TMEM255B: variants seen among roughly 807,000 people sequenced by gnomAD.
TMEM255B encodes transmembrane protein 255B.
Under a neutral mutation model 34.5 loss-of-function variants are expected in TMEM255B, and 35 were observed. The ratio of observed to expected loss-of-function variants is 1.01; its 90% CI spans 0.77 to 1.34. The LOEUF (loss-of-function observed/expected upper bound fraction) is 1.34. TMEM255B is among the 40% of genes most tolerant of loss of function. The probability of loss-of-function intolerance (pLI) is 0.00; values close to 1 mark genes in which losing one functional copy is unlikely to be tolerated. For synonymous variants in TMEM255B, 206 were observed against 201.2 expected (o/e 1.02, Z -0.20); for missense variants, 432 against 433.2 (o/e 1.00, Z 0.02).
intron 3 of TMEM255B, among the ~76,000 whole-genome samples, chr13:113,791,743 C>T (rs9550255): frequency 6.6e-6 from 1 of 152,046 alleles, no homozygotes; most frequent in African/African-American, 2.4e-5. Flanking sequence ...AAGTGATTTT[C>T]TTCATCTTTA....
chr13:113,798,746 CAGAT>C (rs1420919659), intron 4 of TMEM255B, among the ~76,000 whole-genome samples: 1 of 143,794 alleles, frequency 7.0e-6, no homozygotes, highest in African/African-American at 2.6e-5. Context: ...GTATGGATGA[CAGAT>C]GGGTGGATGG....
At chr13:113,808,430 C>T (rs1396926362) in intron 8 of TMEM255B, among the ~76,000 whole-genome samples, 4 of 152,178 alleles carry the variant, frequency 2.6e-5, no homozygotes, top group Non-Finnish European at 5.9e-5. Flanking sequence ...TAGGGGGGCC[C>T]TGTCATTCAG....
chr13:113,774,123 C>G (rs780783469), intron 3 of TMEM255B, among the ~76,000 whole-genome samples: 2 of 151,846 alleles, frequency 1.3e-5, no homozygotes, highest in South Asian at 2.1e-4. Context: ...GTTCACCCCC[C>G]GCCTGCTTCT....
chr13:113,782,702 C>G (rs900113230), intron 3 of TMEM255B, among the ~76,000 whole-genome samples: 1 of 151,978 alleles, frequency 6.6e-6, no homozygotes, highest in Non-Finnish European at 1.5e-5. Context: ...TGAGCCCCAC[C>G]TGAACGGGGA....
intron 7 of TMEM255B, among the ~76,000 whole-genome samples, chr13:113,803,620 C>T (rs2051106030): frequency 8.4e-6 from 1 of 118,580 alleles, no homozygotes; most frequent in African/African-American, 2.9e-5. Context: ...CACCCCTCTA[C>T]CTGTCAGAAC....
At chr13:113,793,533 C>T (rs72672408) in intron 3 of TMEM255B, among the ~76,000 whole-genome samples, 1 of 152,316 alleles carries the variant, frequency 6.6e-6, no homozygotes, top group Non-Finnish European at 1.5e-5. Flanking sequence ...AGGGACCGTG[C>T]CGGTCTGGGA....
chr13:113,763,944 G>A (rs1026171482), intron 1 of TMEM255B, among the ~76,000 whole-genome samples: 4 of 152,256 alleles, frequency 2.6e-5, no homozygotes, highest in African/African-American at 7.2e-5. Context: ...ACTGAGAGGC[G>A]GAGCTGGAGG....
At chr13:113,807,426 G>T (rs1444054023) in intron 8 of TMEM255B, among the ~76,000 whole-genome samples, 1 of 136,184 alleles carries the variant, frequency 7.3e-6, no homozygotes, top group African/African-American at 2.8e-5. Context: ...TGTGGGGGGT[G>T]GTCCTCCCCG....
intron 8 of TMEM255B, among the ~76,000 whole-genome samples, chr13:113,805,809 G>A (rs972260775): frequency 6.6e-6 from 1 of 152,202 alleles, no homozygotes; most frequent in African/African-American, 2.4e-5. Context: ...CGGGGACACA[G>A]TTGAGAACCC....
intron 3 of TMEM255B, among the ~76,000 whole-genome samples, chr13:113,781,702 T>C (rs902362857): frequency 5.9e-5 from 9 of 152,116 alleles, no homozygotes; most frequent in Non-Finnish European, 1.2e-4. Context: ...CAGCTAAGAG[T>C]CATAGTGGCA....
chr13:113,794,297 G>T (rs1034164933), intron 3 of TMEM255B, among the ~76,000 whole-genome samples: 1 of 152,112 alleles, frequency 6.6e-6, no homozygotes, highest in Non-Finnish European at 1.5e-5. Context: ...TGCCTGGTGC[G>T]CAGGACAGGT....
chr13:113,787,413 G>A (rs2050762635), intron 3 of TMEM255B, among the ~76,000 whole-genome samples: 2 of 152,226 alleles, frequency 1.3e-5, no homozygotes, highest in Non-Finnish European at 2.9e-5. Context: ...GAGGCTGCCT[G>A]TTGCTGACCT....
At chr13:113,778,232 G>A (rs2050611008) in intron 3 of TMEM255B, among the ~76,000 whole-genome samples, 1 of 152,228 alleles carries the variant, frequency 6.6e-6, no homozygotes, top group African/African-American at 2.4e-5. Flanking sequence ...GGGTGGAGAT[G>A]TGAGGGAGGG....
At chr13:113,797,387 G>A (rs910942747) in intron 4 of TMEM255B, among the ~76,000 whole-genome samples, 4 of 152,214 alleles carry the variant, frequency 2.6e-5, no homozygotes, top group East Asian at 1.9e-4. Flanking sequence ...GGGGAGATGC[G>A]TGCCTTCCAA....
intron 3 of TMEM255B, among the ~76,000 whole-genome samples, chr13:113,780,303 C>A (rs1189898863): frequency 6.6e-6 from 1 of 152,172 alleles, no homozygotes; most frequent in Non-Finnish European, 1.5e-5. Context: ...GTAAAATAAC[C>A]AGTTTCTCCA....
At chr13:113,761,862 C>T (rs953636688) in intron 1 of TMEM255B, among the ~76,000 whole-genome samples, 7 of 152,220 alleles carry the variant, frequency 4.6e-5, no homozygotes, top group South Asian at 2.1e-4. Flanking sequence ...CCCCGGGAAC[C>T]GGCGACAAAC....
rs1566342047 is a variant in TMEM255B at position 113,812,946 on chromosome 13, T to TGAGTCACAGGC, written c.*1043_*1044insGAGTCACAGGC. 2 of 110,240 alleles carry TGAGTCACAGGC rather than the reference T, an allele frequency of 1.8e-5. No individual in the cohort carries two copies. Among genetic ancestry groups the TGAGTCACAGGC allele is most frequent in the Non-Finnish European group, 3.7e-5 (2 of 53,942 alleles). The allele number at this position is 110,240 out of a possible 1,614,324, so 6.8% of individuals were successfully genotyped here. ...TCACGGGTCCCGGGTGGGTCACGGG[T>TGAGTCACAGGC]CCCGGGTGGGTCACGGGCCCCGGGT... On this transcript the variant is annotated 3_prime_UTR_variant, in exon 9 of 9. Transcript: ENST00000375353.
In TMEM255B at chr13:113,806,323, G is replaced by A. The variant is rs1329260705; in HGVS notation, c.813+1295G>A. On this transcript the variant is annotated intron_variant, in intron 8 of 8. Coordinates refer to ENST00000375353, the MANE Select transcript of TMEM255B (RefSeq NM_182614.4). The surrounding 1 kb of genome is among the most constrained non-coding windows in gnomAD (Gnocchi z 4.2). Reference sequence around the variant, plus strand: ...TCCAGGGGCCTGTGGGGCTGCTGGGGGTCCCTCGCGTTCAGGGCCTGCTTG... The same window carrying A: ...TCCAGGGGCCTGTGGGGCTGCTGGGAGTCCCTCGCGTTCAGGGCCTGCTTG... Among the ~76,000 whole-genome samples the A allele has an allele frequency of 6.6e-6, 1 of 152,066 alleles. No homozygotes were observed. Among genetic ancestry groups the A allele is most frequent in the East Asian group, 1.9e-4 (1 of 5,172 alleles).
chr13:113,808,832 GTGGTTCCTGGGGGTTTACTCCT>G (rs2051240936), intron 8 of TMEM255B, among the ~76,000 whole-genome samples: 1 of 118,936 alleles, frequency 8.4e-6, no homozygotes, highest in Admixed American at 9.9e-5. Context: ...GGTTTACTCC[GTGGTTCCTGGGGGTTTACTCCT>G]TGGTTCTTGG....
Sources: allele counts gnomAD v4.1 joint callset (sites outside exome capture counted in the v4.1 genomes callset), GRCh38; gene constraint gnomAD v4.1.1; non-coding constraint Gnocchi (gnomAD v3.1); transcripts MANE v1.5; gene names NCBI Gene and HGNC (gene_info 2026-07-23, HGNC 2026-07-21).